The following SGCD variants were observed in gnomAD, a reference collection of about 807,000 sequenced individuals.
SGCD encodes the protein sarcoglycan delta.
Under a neutral mutation model 36.6 loss-of-function variants are expected in SGCD, and 18 were observed. The observed-to-expected ratio is 0.49, with a 90% CI of 0.34 to 0.73. The LOEUF is 0.73. Ranked by LOEUF, SGCD falls within the 30% of genes least tolerant of loss-of-function variation. The pLI is 0.01. For missense variants in SGCD, 387 were observed against 346.7 expected (o/e 1.12, Z -0.92); for synonymous variants, 133 against 130.6 (o/e 1.02, Z -0.12).
chr5:156,119,734 C>T (rs1761989225), intron 2 of SGCD, among the ~76,000 whole-genome samples: 1 of 152,068 alleles, frequency 6.6e-6, no homozygotes. Flanking sequence ...CTCGGGATGC[C>T]CACCTCTCTT....
At chr5:156,428,771 TC>T (rs1374283259) in intron 3 of SGCD, among the ~76,000 whole-genome samples, 1 of 152,152 alleles carries the variant, frequency 6.6e-6, no homozygotes, top group African/African-American at 2.4e-5. Context: ...TAAATTTCCA[TC>T]TTGATTTCAT....
chr5:156,420,550 A>AT, intron 3 of SGCD, among the ~76,000 whole-genome samples: 1 of 152,182 alleles, frequency 6.6e-6, no homozygotes, highest in Non-Finnish European at 1.5e-5. Context: ...TATAATTTGC[A>AT]TAAAAATCCA....
intron 6 of SGCD, among the ~76,000 whole-genome samples, chr5:156,614,143 C>G (rs1291852801): frequency 6.6e-6 from 1 of 152,164 alleles, no homozygotes; most frequent in African/African-American, 2.4e-5. Flanking sequence ...GATGGTTTCA[C>G]CACGTTGGCT....
intron 1 of SGCD, among the ~76,000 whole-genome samples, chr5:155,871,719 A>G (rs1755660574): frequency 6.6e-6 from 1 of 152,190 alleles, no homozygotes; most frequent in Admixed American, 6.5e-5. Context: ...GGGTAGGTAA[A>G]TAAGTTATGA....
intron 1 of SGCD, among the ~76,000 whole-genome samples, chr5:155,899,828 T>C (rs1756348530): frequency 6.6e-6 from 1 of 152,156 alleles, no homozygotes; most frequent in Admixed American, 6.5e-5. Context: ...GAGAATAAAG[T>C]TTTAGACGCT....
rs541871569 is a variant in SGCD at position 156,118,845 on chromosome 5, G to A, written c.-208+894G>A. ...AGATTTTATTTTGCTATTCATCAGC[G>A]GTTTGTTTGTTGTCTAGACTAGAAA... is the stretch of plus-strand genomic sequence containing the variant. On this transcript the variant is annotated intron_variant, in intron 2 of 9. Transcript: ENST00000517913. Among the ~76,000 whole-genome samples the A allele has an allele frequency of 1.7e-4, 26 of 152,170 alleles. No homozygotes were observed. In the South Asian group the frequency reaches 3.7e-3, roughly 22 times the overall value.
chr5:156,558,755 C>G (rs1265145273), intron 4 of SGCD, among the ~76,000 whole-genome samples: 1 of 152,234 alleles, frequency 6.6e-6, no homozygotes, highest in Admixed American at 6.5e-5. Context: ...TAAGATGATA[C>G]TGTGTGTAAG....
intron 1 of SGCD, among the ~76,000 whole-genome samples, chr5:155,987,731 C>G (rs1355965542): frequency 6.6e-6 from 1 of 152,172 alleles, no homozygotes; most frequent in African/African-American, 2.4e-5. Context: ...GCTGAAAACA[C>G]TCCATTCTTC....
intron 3 of SGCD, among the ~76,000 whole-genome samples, chr5:156,262,826 G>T (rs1340170031): frequency 6.6e-6 from 1 of 151,766 alleles, no homozygotes; most frequent in East Asian, 1.9e-4. Flanking sequence ...TTAGAATAAT[G>T]GTCTCCAATT....
chr5:155,876,361 C>T (rs1755768194), intron 1 of SGCD, among the ~76,000 whole-genome samples: 1 of 151,870 alleles, frequency 6.6e-6, no homozygotes, highest in Non-Finnish European at 1.5e-5. Context: ...TATATCTTTC[C>T]ATTTTGGAAC....
intron 6 of SGCD, among the ~76,000 whole-genome samples, chr5:156,599,411 A>G (rs376971777): frequency 6.6e-6 from 1 of 152,212 alleles, no homozygotes; most frequent in East Asian, 1.9e-4. Flanking sequence ...ATGAATGACT[A>G]TAATAAGAAA....
chr5:156,547,415 A>C (rs1758620339), intron 4 of SGCD, among the ~76,000 whole-genome samples: 1 of 151,918 alleles, frequency 6.6e-6, no homozygotes, highest in African/African-American at 2.4e-5. Context: ...TTGTTGTACC[A>C]AAAGATAGAA....
chr5:156,612,532 G>A (rs772374476), intron 6 of SGCD, among the ~76,000 whole-genome samples: 3 of 152,258 alleles, frequency 2.0e-5, no homozygotes, highest in Non-Finnish European at 4.4e-5. Context: ...GACTGGACAT[G>A]TGCAGGTACA....
At chr5:156,274,182 T>C (rs1766256092) in intron 3 of SGCD, among the ~76,000 whole-genome samples, 1 of 152,102 alleles carries the variant, frequency 6.6e-6, no homozygotes, top group East Asian at 1.9e-4. Flanking sequence ...AGGTACTTGC[T>C]TCAAAAACAA....
intron 3 of SGCD, among the ~76,000 whole-genome samples, chr5:156,485,410 C>T (rs1227608106): frequency 5.3e-5 from 8 of 152,168 alleles, no homozygotes; most frequent in Non-Finnish European, 1.2e-4. Flanking sequence ...CACCTGTAAT[C>T]CTAGCACTTT....
intron 3 of SGCD, among the ~76,000 whole-genome samples, chr5:156,489,993 G>C (rs2127848224): frequency 6.8e-6 from 1 of 147,672 alleles, no homozygotes; most frequent in East Asian, 1.9e-4. Context: ...GAAGAAAAGA[G>C]AGAGGACTCA....
the SGCD span, among the ~76,000 whole-genome samples, chr5:155,826,457 T>C: frequency 6.6e-6 from 1 of 152,228 alleles, no homozygotes; most frequent in African/African-American, 2.4e-5. Flanking sequence ...CTTCTGTCTA[T>C]GACTGCATCT....
At chr5:155,846,919 C>T in the SGCD span, among the ~76,000 whole-genome samples, 1 of 152,156 alleles carries the variant, frequency 6.6e-6, no homozygotes, top group Non-Finnish European at 1.5e-5. Flanking sequence ...GAGTTTGATT[C>T]ATTGCTCAAC....
intron 1 of SGCD, among the ~76,000 whole-genome samples, chr5:156,039,599 G>A (rs1387154589): frequency 3.3e-5 from 5 of 152,142 alleles, no homozygotes; most frequent in Non-Finnish European, 5.9e-5. Context: ...TGAAACATTT[G>A]TCTGAACATC....
Sources: gnomAD v4.1 joint callset for allele counts (sites outside exome capture counted in the v4.1 genomes callset) on GRCh38, gnomAD v4.1.1 for gene constraint, MANE v1.5 for transcripts, NCBI Gene and HGNC (gene_info 2026-07-23, HGNC 2026-07-21) for gene names.